ENPP6: variants seen among roughly 807,000 people sequenced by gnomAD.
ENPP6 encodes ectonucleotide pyrophosphatase/phosphodiesterase 6, also known as glycerophosphocholine cholinephosphodiesterase ENPP6.
Under a neutral mutation model 42.0 loss-of-function variants are expected in ENPP6, and 32 were observed. That is an observed-to-expected ratio of 0.76 (90% CI 0.58 to 1.02). The LOEUF is 1.02. ENPP6 is among the 50% of genes least tolerant of loss of function. The pLI is 0.00. For synonymous variants in ENPP6, 213 were observed against 216.0 expected (o/e 0.99, Z 0.12); for missense variants, 552 against 566.8 (o/e 0.97, Z 0.27).
chr4:184,125,614 C>T (rs925798230), intron 2 of ENPP6, among the ~76,000 whole-genome samples: 1 of 152,044 alleles, frequency 6.6e-6, no homozygotes, highest in Non-Finnish European at 1.5e-5. Flanking sequence ...AGAAAGCATC[C>T]CTTCATCTGG....
intron 6 of ENPP6, among the ~76,000 whole-genome samples, chr4:184,104,710 A>G (rs980406621): frequency 6.6e-6 from 1 of 152,240 alleles, no homozygotes; most frequent in Non-Finnish European, 1.5e-5. Flanking sequence ...ACTGGTTTAC[A>G]CACCAACCAA....
intron 1 of ENPP6, among the ~76,000 whole-genome samples, chr4:184,210,676 A>G (rs1360608261): frequency 7.0e-5 from 10 of 143,234 alleles, no homozygotes; most frequent in African/African-American, 2.6e-4. Context: ...TAGACAGATC[A>G]ACGAGACAGA....
intron 7 of ENPP6, among the ~76,000 whole-genome samples, chr4:184,092,303 CT>C (rs1438087729): frequency 6.6e-6 from 1 of 152,114 alleles, no homozygotes; most frequent in African/African-American, 2.4e-5. Flanking sequence ...GTGGAACACT[CT>C]TTGGGAGCAT....
intron 6 of ENPP6, among the ~76,000 whole-genome samples, chr4:184,102,783 C>CGGTGCAT (rs1736027691): frequency 6.6e-6 from 1 of 152,240 alleles, no homozygotes; most frequent in Non-Finnish European, 1.5e-5. Flanking sequence ...CCGTCCACAC[C>CGGTGCAT]GGTGCATCCC....
Position 184,153,739 on chromosome 4 carries a change from T to A in ENPP6, c.242-6A>T. 1 of 1,613,494 alleles carries A rather than the reference T, an allele frequency of 6.2e-7. No individual in the cohort carries two copies. The highest frequency in any genetic ancestry group is 8.5e-7 in the Non-Finnish European group (1 of 1,179,656). On this transcript the variant is annotated splice_polypyrimidine_tract_variant and splice_region_variant and intron_variant, in intron 1 of 7. Transcript: ENST00000296741. The stretch of plus-strand genomic sequence containing the variant: ...ATGGACTTCACAATGGCGGCCTATG[T>A]CAATGAGAACACAGCTGTCAGTTTA...
At position 184,184,061 on chromosome 4, in the gene ENPP6, G is replaced by A. The variant is rs75624056; in HGVS notation, c.242-30328C>T. 5.9e-5 allele frequency among the ~76,000 whole-genome samples: 9 copies of A among 152,146 alleles called. No homozygotes were observed. Among genetic ancestry groups the A allele is most frequent in the Non-Finnish European group, 1.0e-4 (7 of 68,032 alleles). ...GCGTCTGTGAATGACTACATGGAGC[G>A]AGCCCCACCTCCATGCACCAACTGG... On this transcript the variant is annotated intron_variant, in intron 1 of 7. Transcript: ENST00000296741. The surrounding 1 kb of genome is among the most constrained non-coding windows in gnomAD (Gnocchi z 4.7).
At chr4:184,121,446 AG>A (rs1736415307) in intron 3 of ENPP6, among the ~76,000 whole-genome samples, 1 of 152,190 alleles carries the variant, frequency 6.6e-6, no homozygotes, top group Non-Finnish European at 1.5e-5. Context: ...CTGCCTCTCA[AG>A]TTAATAGCAA....
chr4:184,208,998 T>C (rs1733060347), intron 1 of ENPP6, among the ~76,000 whole-genome samples: 2 of 140,492 alleles, frequency 1.4e-5, no homozygotes, highest in South Asian at 2.3e-4. Context: ...CACGGCAGGG[T>C]ATTCCAACAG....
At chr4:184,159,769 T>C (rs1737232051) in intron 1 of ENPP6, among the ~76,000 whole-genome samples, 1 of 152,214 alleles carries the variant, frequency 6.6e-6, no homozygotes, top group Non-Finnish European at 1.5e-5. Context: ...GTGTACATTG[T>C]ACCCAATGTG....
In ENPP6 at chr4:184,131,520, A is replaced by ATTTTTTTT. The variant is rs58927070; in HGVS notation, c.422-7256_422-7249dup. ...AGGCACCCATCACCATGCCCAGCTA[A>ATTTTTTTT]TTTTTTTTTTTTTTTGTATTTTTAG... On this transcript the variant is annotated intron_variant, in intron 2 of 7. Coordinates refer to ENST00000296741, the MANE Select transcript of ENPP6 (RefSeq NM_153343.4). 3.1e-3 allele frequency among the ~76,000 whole-genome samples: 423 copies of ATTTTTTTT among 136,682 alleles called. 4 individuals carry two copies. Among genetic ancestry groups the ATTTTTTTT allele is most frequent in the Middle Eastern group, 0.011 (3 of 272 alleles). 89.7% of individuals were successfully genotyped at this position (136,682 alleles called of 152,430 possible).
At chr4:184,202,367 A>G (rs942239563) in intron 1 of ENPP6, among the ~76,000 whole-genome samples, 7 of 151,606 alleles carry the variant, frequency 4.6e-5, no homozygotes, top group East Asian at 3.9e-4. Flanking sequence ...TTCAAATTCA[A>G]CTCTCCCCCT....
chr4:184,122,742 C>G (rs188126487), intron 3 of ENPP6, among the ~76,000 whole-genome samples: 15 of 152,304 alleles, frequency 9.8e-5, no homozygotes, highest in Admixed American at 8.5e-4. Context: ...GCCAAACAGA[C>G]TGTTGGGTTA....
intron 1 of ENPP6, among the ~76,000 whole-genome samples, chr4:184,199,355 G>A (rs760983194): frequency 5.3e-5 from 8 of 152,202 alleles, no homozygotes; most frequent in Non-Finnish European, 7.3e-5. Context: ...CAGGTTCCAG[G>A]CTAGGCCCAT....
intron 1 of ENPP6, among the ~76,000 whole-genome samples, chr4:184,164,864 A>G (rs1737324071): frequency 6.6e-6 from 1 of 152,170 alleles, no homozygotes; most frequent in African/African-American, 2.4e-5. Context: ...CAGGATTTAA[A>G]TCAGGCAGCC....
At chr4:184,190,415 G>A (rs187585294) in intron 1 of ENPP6, among the ~76,000 whole-genome samples, 2 of 152,162 alleles carry the variant, frequency 1.3e-5, no homozygotes, top group Non-Finnish European at 2.9e-5. Flanking sequence ...AGAGAGAATC[G>A]GGGAGATATG....
At chr4:184,146,190 T>C (rs1044664344) in intron 2 of ENPP6, among the ~76,000 whole-genome samples, 1 of 151,996 alleles carries the variant, frequency 6.6e-6, no homozygotes, top group Non-Finnish European at 1.5e-5. Context: ...CCCAGCACTT[T>C]GAGAGGCTGG....
chr4:184,147,774 C>T (rs947406460), intron 2 of ENPP6, among the ~76,000 whole-genome samples: 2 of 147,994 alleles, frequency 1.4e-5, no homozygotes, highest in Non-Finnish European at 3.0e-5. Flanking sequence ...GCACTCTAGC[C>T]TGGGCAACAG....
In ENPP6 at chr4:184,090,636, T is replaced by C. The variant is rs1275453977; in HGVS notation, c.*541A>G. ...GTCCTTTCTGGAGCTCAGTATAAGA[T>C]GAAAAAATTCCATGAGCTGGGTCAG... On this transcript the variant is annotated 3_prime_UTR_variant, in exon 8 of 8. Coordinates refer to ENST00000296741, the MANE Select transcript of ENPP6 (RefSeq NM_153343.4). 2 of 190,562 alleles carry C rather than the reference T, an allele frequency of 1.0e-5. No homozygotes were observed. The highest frequency in any genetic ancestry group is 2.3e-5 in the African/African-American group (1 of 43,074). 11.8% of individuals were successfully genotyped at this position (190,562 alleles called of 1,614,324 possible). A position where few individuals can be genotyped will look rare whatever the true frequency, so the allele number is the denominator to read the frequency against.
chr4:184,164,101 T>C (rs767829173), intron 1 of ENPP6, among the ~76,000 whole-genome samples: 10 of 152,328 alleles, frequency 6.6e-5, no homozygotes, highest in Non-Finnish European at 1.2e-4. Flanking sequence ...AGTGGAGAGA[T>C]GACAGAGGAG....
Sources: allele counts gnomAD v4.1 joint callset (sites outside exome capture counted in the v4.1 genomes callset), GRCh38; gene constraint gnomAD v4.1.1; non-coding constraint Gnocchi (gnomAD v3.1); transcripts MANE v1.5; gene names NCBI Gene and HGNC (gene_info 2026-07-23, HGNC 2026-07-21).